The following FOSL2 variants were observed in gnomAD, a reference collection of about 807,000 sequenced individuals.
The protein encoded by FOSL2 is fos-related antigen 2.
In FOSL2, 3 loss-of-function variants were observed where a neutral mutation model predicts 27.7. That is an observed-to-expected ratio of 0.11 (90% confidence interval 0.05 to 0.28). The LOEUF (loss-of-function observed/expected upper bound fraction) is 0.28. Ranked by LOEUF, FOSL2 falls within the 10% of genes least tolerant of loss-of-function variation. FOSL2 has a pLI of 1.00. For missense variants in FOSL2, 333 were observed against 445.1 expected (o/e 0.75, Z 2.27); for synonymous variants, 179 against 190.1 (o/e 0.94, Z 0.48).
At position 28,393,780 on chromosome 2, in the gene FOSL2, T is replaced by G; in HGVS notation, c.60T>G (p.Pro20=). 1 of 1,608,046 alleles carries G rather than the reference T, an allele frequency of 6.2e-7. No homozygotes were observed. The highest frequency in any genetic ancestry group is 8.5e-7 in the Non-Finnish European group (1 of 1,177,908). The change falls in exon 1 of 4, where the codon CCT becomes CCG. Residue 20 remains proline (P), a synonymous_variant. Coordinates refer to ENST00000264716, the MANE Select transcript of FOSL2 (RefSeq NM_005253.4). This position sits in a 1 kb window ranked among gnomAD's most constrained non-coding sequence, Gnocchi z 4.6. ...DTSSRGSSGS[P]AHAESYSSGG... is the part of the protein sequence containing the mutation. ...CGTCCCGGGGCAGCAGCGGCTCTCC[T>G]GCGCACGCCGAGTCCTACTCCAGCG...
At chr2:28,407,182 G>A (rs927508160) in intron 2 of FOSL2, among the ~76,000 whole-genome samples, 2 of 152,198 alleles carry the variant, frequency 1.3e-5, no homozygotes, top group Non-Finnish European at 2.9e-5. Flanking sequence ...ATTAGCGAGG[G>A]ATCTAGGGGG....
At chr2:28,402,825 C>T (rs765235000) in intron 1 of FOSL2, among the ~76,000 whole-genome samples, 26 of 152,302 alleles carry the variant, frequency 1.7e-4, no homozygotes, top group East Asian at 5.8e-4. Flanking sequence ...ATCCTGACCC[C>T]GCTGCTTATT....
At chr2:28,400,742 A>G (rs938185492) in intron 1 of FOSL2, among the ~76,000 whole-genome samples, 4 of 152,170 alleles carry the variant, frequency 2.6e-5, no homozygotes, top group Non-Finnish European at 1.5e-5. Flanking sequence ...GCTGCGAGGA[A>G]TCTGGCTGAT....
At position 28,408,874 on chromosome 2, in the gene FOSL2, ACT is replaced by A; in HGVS notation, c.462+11_462+12del. 1.3e-6 allele frequency: 2 copies of A among 1,593,398 alleles called. No homozygotes were observed. Among genetic ancestry groups the A allele is most frequent in the Non-Finnish European group, 1.7e-6 (2 of 1,168,974 alleles). On this transcript the variant is annotated intron_variant, in intron 3 of 3. Coordinates refer to ENST00000264716, the MANE Select transcript of FOSL2 (RefSeq NM_005253.4). This position sits in a 1 kb window ranked among gnomAD's most constrained non-coding sequence, Gnocchi z 4.1. ...ACAGAGAAGCTGCAGGCGGTGAGGA[ACT>A]CTGCGTAGGGTGGGAGCACCTCTGG...
intron 1 of FOSL2, among the ~76,000 whole-genome samples, chr2:28,399,404 T>A (rs1012993945): frequency 6.6e-6 from 1 of 152,202 alleles, no homozygotes; most frequent in Non-Finnish European, 1.5e-5. Flanking sequence ...GGAGGCAGTT[T>A]TCCCAAATCA....
Position 28,414,081 on chromosome 2 carries a change from C to A in FOSL2, c.*1633C>A, listed in dbSNP as rs1245113117. ...AGGAATCCAGGGAGTAGCTCCTGGC[C>A]AGAACCAGCCTCTGCGGGGCTTGTG... On this transcript the variant is annotated 3_prime_UTR_variant, in exon 4 of 4. Coordinates refer to ENST00000264716, the MANE Select transcript of FOSL2 (RefSeq NM_005253.4). 5.4e-5 allele frequency: 20 copies of A among 371,252 alleles called. No homozygotes were observed. The Admixed American group carries it at 8.7e-4, about 16-fold the overall frequency. 23.0% of individuals were successfully genotyped at this position (371,252 alleles called of 1,614,324 possible). A position where few individuals can be genotyped will look rare whatever the true frequency, so the allele number is the denominator to read the frequency against.
In FOSL2 at chr2:28,392,913, G is replaced by A; in HGVS notation, c.-808G>A. On this transcript the variant is annotated 5_prime_UTR_variant, in exon 1 of 4. Transcript: ENST00000264716. ...GCTCCGAGCGAACCAGCGAGCGAGC[G>A]AACGAGCGGCGCTCGGCGGGGACAG... The A allele has an allele frequency of 1.4e-6, 1 of 713,890 alleles. No homozygotes were observed. Among genetic ancestry groups the A allele is most frequent in the South Asian group, 1.5e-5 (1 of 67,394 alleles). The allele number at this position is 713,890 out of a possible 1,614,324, so 44.2% of individuals were successfully genotyped here.
chr2:28,409,972 C>G (rs1664157408), intron 3 of FOSL2, among the ~76,000 whole-genome samples: 1 of 152,184 alleles, frequency 6.6e-6, no homozygotes, highest in Non-Finnish European at 1.5e-5. Context: ...AACTCCTGAC[C>G]TCGGGTGATC....
chr2:28,400,303 C>T (rs535798909), intron 1 of FOSL2, among the ~76,000 whole-genome samples: 21 of 152,296 alleles, frequency 1.4e-4, no homozygotes, highest in African/African-American at 4.6e-4. Flanking sequence ...TAGAGAACCA[C>T]GATTTATCTC....
Position 28,413,873 on chromosome 2 carries a change from A to G in FOSL2, c.*1425A>G, listed in dbSNP as rs2279990. On this transcript the variant is annotated 3_prime_UTR_variant, in exon 4 of 4. Coordinates refer to ENST00000264716, the MANE Select transcript of FOSL2 (RefSeq NM_005253.4). ...CTGTTGAATCTTTCTGGCTGCTGGAATTGGAGATAGGATGTTTTGCTTCCC... is the reference window on the plus strand; with the variant it reads ...CTGTTGAATCTTTCTGGCTGCTGGAGTTGGAGATAGGATGTTTTGCTTCCC... 164,706 of 398,484 alleles carry G rather than the reference A, an allele frequency of 0.41. 34,754 individuals are homozygous for G. The highest frequency in any genetic ancestry group is 0.53 in the South Asian group (4,141 of 7,840). The allele number at this position is 398,484 out of a possible 1,614,324, so 24.7% of individuals were successfully genotyped here.
At chr2:28,397,712 T>A (rs1663883437) in intron 1 of FOSL2, among the ~76,000 whole-genome samples, 1 of 152,232 alleles carries the variant, frequency 6.6e-6, no homozygotes, top group Non-Finnish European at 1.5e-5. Flanking sequence ...TCCTTGTCAC[T>A]GTCATCCCCT....
Position 28,413,596 on chromosome 2 carries a change from A to G in FOSL2, c.*1148A>G, listed in dbSNP as rs1664253738. The stretch of plus-strand genomic sequence containing the variant: ...CAGGGGAGGGAGGCGGGAGGCCGTC[A>G]CTGGAGTGGCGTCTGCAGCAGCTGC... On this transcript the variant is annotated 3_prime_UTR_variant, in exon 4 of 4. Coordinates refer to ENST00000264716, the MANE Select transcript of FOSL2 (RefSeq NM_005253.4). 2 of 398,760 alleles carry G rather than the reference A, an allele frequency of 5.0e-6. 1 individual carries two copies. Among genetic ancestry groups the G allele is most frequent in the South Asian group, 2.5e-4 (2 of 7,856 alleles). 24.7% of individuals were successfully genotyped at this position (398,760 alleles called of 1,614,324 possible). A position where few individuals can be genotyped will look rare whatever the true frequency, so the allele number is the denominator to read the frequency against.
Position 28,416,137 on chromosome 2 carries a change from C to T in FOSL2, c.*3689C>T, listed in dbSNP as rs1215227922. The T allele has an allele frequency of 6.6e-6, 1 of 152,044 alleles. No individual in the cohort carries two copies. The highest frequency in any genetic ancestry group is 1.5e-5 in the Non-Finnish European group (1 of 68,010). The allele number at this position is 152,044 out of a possible 1,614,324, so 9.4% of individuals were successfully genotyped here. On this transcript the variant is annotated 3_prime_UTR_variant, in exon 4 of 4. Transcript: ENST00000264716. The stretch of plus-strand genomic sequence containing the variant: ...TGACAGGTTGGGCTGTGTGTGTGCG[C>T]ATGTGTGTATACATTTCCAGGCGTG...
At chr2:28,403,969 C>G in intron 1 of FOSL2, 138 bp from the exon 2 acceptor site, 2 of 928,564 alleles carry the variant, frequency 2.2e-6, no homozygotes, top group Non-Finnish European at 3.3e-6. Context: ...TCCAGGCCCA[C>G]CTGGGGTCCT....
At chr2:28,403,553 G>A (rs1398431057) in intron 1 of FOSL2, among the ~76,000 whole-genome samples, 1 of 152,178 alleles carries the variant, frequency 6.6e-6, no homozygotes, top group Admixed American at 6.5e-5. Flanking sequence ...GGACCTGGCT[G>A]TGCCCTGATG....
chr2:28,393,091 A>C lies in FOSL2; in HGVS notation c.-630A>C, dbSNP rs1051875977. 7.4e-5 allele frequency: 31 copies of C among 419,050 alleles called. No homozygotes were observed. The highest frequency in any genetic ancestry group is 1.4e-4 in the Admixed American group (3 of 22,180). 26.0% of individuals were successfully genotyped at this position (419,050 alleles called of 1,614,324 possible). A position where few individuals can be genotyped will look rare whatever the true frequency, so the allele number is the denominator to read the frequency against. On this transcript the variant is annotated 5_prime_UTR_variant, in exon 1 of 4. Transcript: ENST00000264716. This position sits in a 1 kb window ranked among gnomAD's most constrained non-coding sequence, Gnocchi z 4.6. ...TCAGCGCCAGCTCTACTTGAGCCCC[A>C]CGAGCCGCTGTCCCCCTGGCGCGCT... is the stretch of plus-strand genomic sequence containing the variant.
intron 3 of FOSL2, 128 bp from the exon 4 acceptor site, chr2:28,411,802 G>C (rs140545676): frequency 2.2e-6 from 2 of 909,880 alleles, no homozygotes; most frequent in Non-Finnish European, 3.5e-6. Context: ...TCAGACCAGC[G>C]GGGTCTGTGG....
chr2:28,407,493 T>C (rs956987154), intron 2 of FOSL2, among the ~76,000 whole-genome samples: 3 of 152,232 alleles, frequency 2.0e-5, no homozygotes, highest in African/African-American at 7.2e-5. Flanking sequence ...ATTGTGGGAC[T>C]CTGACTTGGA....
chr2:28,406,695 A>G (rs1185292545), intron 2 of FOSL2, among the ~76,000 whole-genome samples: 4 of 152,192 alleles, frequency 2.6e-5, no homozygotes, highest in East Asian at 1.9e-4. Context: ...TTGGGAATTC[A>G]CACATCTCCC....
Sources: allele counts gnomAD v4.1 joint callset (sites outside exome capture counted in the v4.1 genomes callset), GRCh38; gene constraint gnomAD v4.1.1; non-coding constraint Gnocchi (gnomAD v3.1); transcripts MANE v1.5; gene names NCBI Gene and HGNC (gene_info 2026-07-23, HGNC 2026-07-21).